INPP5A: variants seen among roughly 807,000 people sequenced by gnomAD.
INPP5A encodes inositol polyphosphate-5-phosphatase A, also known as 43 kDa inositol polyphosphate 5-phophatase.
In INPP5A, 14 loss-of-function variants were observed where a neutral mutation model predicts 65.2. That is an observed-to-expected ratio of 0.21 (90% CI 0.14 to 0.34). INPP5A has a LOEUF of 0.34. Ranked by LOEUF, INPP5A falls within the 10% of genes least tolerant of loss-of-function variation. The pLI is 1.00. For missense variants in INPP5A, 431 were observed against 545.6 expected, an observed-to-expected ratio of 0.79 and a Z score of 2.09; for synonymous variants, 207 against 208.3, an observed-to-expected ratio of 0.99 and a Z score of 0.05.
At chr10:132,773,021 T>C (rs1177767840) in intron 12 of INPP5A, among the ~76,000 whole-genome samples, 1 of 152,230 alleles carries the variant, frequency 6.6e-6, no homozygotes, top group Non-Finnish European at 1.5e-5. Context: ...GAGGACGCCC[T>C]GGGACTCCAC....
intron 1 of INPP5A, among the ~76,000 whole-genome samples, chr10:132,543,437 AG>A (rs2070932084): frequency 6.6e-6 from 1 of 152,110 alleles, no homozygotes; most frequent in Non-Finnish European, 1.5e-5. Context: ...TAAATTACAG[AG>A]ACGGGGTCTT....
rs184388588 is a variant in INPP5A at position 132,770,921 on chromosome 10, G to T, written c.977+5075G>T. 7.9e-4 allele frequency among the ~76,000 whole-genome samples: 120 copies of T among 152,264 alleles called. 4 individuals are homozygous for T. The East Asian group carries it at 0.023, about 29-fold the overall frequency. ...AGCTCAAGGGAGGGGTCTCTGTGGT[G>T]GGGACGCCGCCAGCCTCTGGGAGGA... On this transcript the variant is annotated intron_variant, in intron 12 of 15. Coordinates refer to ENST00000368594, the MANE Select transcript of INPP5A (RefSeq NM_005539.5).
At chr10:132,610,804 A>G (rs984549476) in intron 2 of INPP5A, among the ~76,000 whole-genome samples, 5 of 152,194 alleles carry the variant, frequency 3.3e-5, no homozygotes, top group Non-Finnish European at 7.3e-5. Flanking sequence ...TTGCTCACTA[A>G]CTGAAGAAGC....
chr10:132,573,243 G>A (rs2071371716), intron 1 of INPP5A, among the ~76,000 whole-genome samples: 1 of 129,316 alleles, frequency 7.7e-6, no homozygotes, highest in Non-Finnish European at 1.6e-5. Flanking sequence ...GTGAGGTTTT[G>A]TTGATGTTGA....
intron 8 of INPP5A, among the ~76,000 whole-genome samples, chr10:132,717,961 A>G (rs1323981092): frequency 2.8e-5 from 3 of 106,390 alleles, no homozygotes; most frequent in African/African-American, 1.1e-4. Flanking sequence ...GTTCTGTGGT[A>G]CCTGGGTTCT....
Position 132,697,941 on chromosome 10 carries a change from CT to C in INPP5A, c.474+23del. On this transcript the variant is annotated intron_variant, in intron 6 of 15. Coordinates refer to ENST00000368594, the MANE Select transcript of INPP5A (RefSeq NM_005539.5). The surrounding 1 kb of genome is among the most constrained non-coding windows in gnomAD (Gnocchi z 5.6). Reference sequence around the variant, plus strand: ...CGAGGTACGTAGCGAGGCTTTCTCACTGACGTGTTTACTTCTCAGAGTGAGC... The same window carrying C: ...CGAGGTACGTAGCGAGGCTTTCTCACGACGTGTTTACTTCTCAGAGTGAGC... 6.6e-7 allele frequency: 1 copy of C among 1,508,814 alleles called. No homozygotes were observed. The highest frequency in any genetic ancestry group is 1.4e-5 in the African/African-American group (1 of 72,916). 93.5% of individuals were successfully genotyped at this position (1,508,814 alleles called of 1,614,324 possible). A position where few individuals can be genotyped will look rare whatever the true frequency, so the allele number is the denominator to read the frequency against.
intron 2 of INPP5A, 76 bp from the exon 3 acceptor site, chr10:132,645,792 C>A (rs1276632012): frequency 8.9e-7 from 1 of 1,125,714 alleles, no homozygotes. Context: ...GCTGTGGGGG[C>A]GGTGGAGGGG....
At position 132,569,931 on chromosome 10, in the gene INPP5A, T is replaced by C. The variant is rs528803775; in HGVS notation, c.75+31760T>C. 7.0e-3 allele frequency among the ~76,000 whole-genome samples: 827 copies of C among 117,754 alleles called. 1 individual carries two copies. The highest frequency in any genetic ancestry group is 0.014 in the Middle Eastern group (3 of 218). 77.3% of individuals were successfully genotyped at this position (117,754 alleles called of 152,430 possible). ...CCTCCCAAAGTGCTGGGATTACAGGTGTGAGCCACCGCACTGGGCCCCCAC... is the reference window on the plus strand; with the variant it reads ...CCTCCCAAAGTGCTGGGATTACAGGCGTGAGCCACCGCACTGGGCCCCCAC... On this transcript the variant is annotated intron_variant, in intron 1 of 15. Coordinates refer to ENST00000368594, the MANE Select transcript of INPP5A (RefSeq NM_005539.5).
intron 1 of INPP5A, among the ~76,000 whole-genome samples, chr10:132,583,954 G>A (rs2071517703): frequency 6.6e-6 from 1 of 152,198 alleles, no homozygotes; most frequent in African/African-American, 2.4e-5. Flanking sequence ...GCAGTGGTGT[G>A]TGCTTGTAGT....
chr10:132,752,825 G>A (rs1306211660), intron 11 of INPP5A, among the ~76,000 whole-genome samples: 4 of 152,212 alleles, frequency 2.6e-5, no homozygotes, highest in Admixed American at 6.5e-5. Context: ...CCCTGCTGTC[G>A]GTAGCCACCA....
chr10:132,629,370 C>G (rs1406767837), intron 2 of INPP5A, among the ~76,000 whole-genome samples: 2 of 152,206 alleles, frequency 1.3e-5, no homozygotes, highest in Non-Finnish European at 2.9e-5. Context: ...CCCATCCTCT[C>G]GAGCCAGGGC....
chr10:132,649,791 G>T (rs1182632315), intron 3 of INPP5A, among the ~76,000 whole-genome samples: 4 of 152,198 alleles, frequency 2.6e-5, no homozygotes, highest in Non-Finnish European at 5.9e-5. Context: ...GTGGCCTCCT[G>T]TGCAGCCATG....
At chr10:132,586,562 G>A (rs1054620126) in intron 1 of INPP5A, among the ~76,000 whole-genome samples, 1 of 152,226 alleles carries the variant, frequency 6.6e-6, no homozygotes, top group African/African-American at 2.4e-5. Context: ...CTTGGCATGG[G>A]GGACTGGAGG....
At chr10:132,593,450 A>G (rs574597081) in intron 1 of INPP5A, among the ~76,000 whole-genome samples, 7 of 152,152 alleles carry the variant, frequency 4.6e-5, no homozygotes, top group Admixed American at 2.0e-4. Flanking sequence ...TTCCTTTCCT[A>G]TGTACATCCG....
chr10:132,752,675 T>G (rs1228524509), intron 11 of INPP5A, among the ~76,000 whole-genome samples: 10 of 10,072 alleles, frequency 9.9e-4, no homozygotes, highest in Admixed American at 2.2e-3. Context: ...GCACGGGGCG[T>G]GGAGGGGGTG....
At position 132,693,711 on chromosome 10, in the gene INPP5A, A is replaced by G. The variant is rs544269828; in HGVS notation, c.370+3256A>G. Among the ~76,000 whole-genome samples the G allele has an allele frequency of 5.9e-5, 9 of 152,372 alleles. No homozygotes were observed. In the East Asian group the frequency reaches 1.7e-3, roughly 29 times the overall value. On this transcript the variant is annotated intron_variant, in intron 5 of 15. Coordinates refer to ENST00000368594, the MANE Select transcript of INPP5A (RefSeq NM_005539.5). ...TAGCCAGACTAAGAAAAAAAATGAC[A>G]CAAATTATTCATGTCAGAAATTATC...
At chr10:132,693,800 A>T (rs1240719356) in intron 5 of INPP5A, among the ~76,000 whole-genome samples, 1 of 152,234 alleles carries the variant, frequency 6.6e-6, no homozygotes, top group Non-Finnish European at 1.5e-5. Context: ...ACATTACATC[A>T]TGATGAAAAG....
At chr10:132,747,829 G>A (rs971888664) in intron 9 of INPP5A, among the ~76,000 whole-genome samples, 1 of 152,156 alleles carries the variant, frequency 6.6e-6, no homozygotes, top group East Asian at 1.9e-4. Flanking sequence ...TGGGACAATC[G>A]CTTGAGCCCA....
Position 132,627,091 on chromosome 10 carries a change from G to A in INPP5A, c.118-18777G>A, listed in dbSNP as rs577826454. Among the ~76,000 whole-genome samples, 1 of 152,146 alleles carries A rather than the reference G, an allele frequency of 6.6e-6. No individual in the cohort carries two copies. Among genetic ancestry groups the A allele is most frequent in the Non-Finnish European group, 1.5e-5 (1 of 68,024 alleles). ...TGGGTGCCCTTACAAGAAGGGACACGGGATCAGGCTCTCTCCACAGGGCGC... is the reference window on the plus strand; with the variant it reads ...TGGGTGCCCTTACAAGAAGGGACACAGGATCAGGCTCTCTCCACAGGGCGC... On this transcript the variant is annotated intron_variant, in intron 2 of 15. Coordinates refer to ENST00000368594, the MANE Select transcript of INPP5A (RefSeq NM_005539.5). This position sits in a 1 kb window ranked among gnomAD's most constrained non-coding sequence, Gnocchi z 6.6.
Sources: allele counts gnomAD v4.1 joint callset (sites outside exome capture counted in the v4.1 genomes callset), GRCh38; gene constraint gnomAD v4.1.1; non-coding constraint Gnocchi (gnomAD v3.1); transcripts MANE v1.5; gene names NCBI Gene and HGNC (gene_info 2026-07-23, HGNC 2026-07-21).